The following CCNY variants were observed in gnomAD, a reference collection of about 807,000 sequenced individuals.
The protein encoded by CCNY is cyclin-Y.
A neutral mutation model predicts 42.8 loss-of-function variants in CCNY; 19 were observed. That is an observed-to-expected ratio of 0.44 (90% confidence interval 0.31 to 0.65). CCNY has a LOEUF of 0.65. CCNY is among the 30% of genes least tolerant of loss of function. The pLI, the probability that CCNY is intolerant of heterozygous loss-of-function variation, is 0.07. For synonymous variants in CCNY, 165 were observed against 162.7 expected (o/e 1.01, Z -0.11); for missense variants, 370 against 437.3 (o/e 0.85, Z 1.37).
intron 1 of CCNY, among the ~76,000 whole-genome samples, chr10:35,357,225 C>CA (rs1836577502): frequency 6.7e-6 from 1 of 149,982 alleles, no homozygotes; most frequent in Non-Finnish European, 1.5e-5. Context: ...CCATCACGCT[C>CA]AGTCACTTTA....
chr10:35,337,556 G>T (rs1836074379), intron 1 of CCNY, among the ~76,000 whole-genome samples: 2 of 152,192 alleles, frequency 1.3e-5, no homozygotes, highest in Non-Finnish European at 2.9e-5. Context: ...GGGGTTCCCG[G>T]CACTACCTGA....
intron 1 of CCNY, among the ~76,000 whole-genome samples, chr10:35,445,834 T>C (rs1205364569): frequency 2.6e-5 from 4 of 152,262 alleles, no homozygotes; most frequent in African/African-American, 9.6e-5. Context: ...AGTAGACCTG[T>C]AATCACCAGT....
At chr10:35,498,740 T>C (rs1840051666) in intron 2 of CCNY, among the ~76,000 whole-genome samples, 1 of 152,130 alleles carries the variant, frequency 6.6e-6, no homozygotes, top group African/African-American at 2.4e-5. Flanking sequence ...TAGAGATGCA[T>C]GTGTGGAAAA....
At chr10:35,253,260 T>A (rs2095713177) in intron 3 of CCNY, among the ~76,000 whole-genome samples, 1 of 151,720 alleles carries the variant, frequency 6.6e-6, no homozygotes, top group African/African-American at 2.4e-5. Flanking sequence ...CTCCACGTAA[T>A]TTTTTTTGGG....
At chr10:35,275,863 C>T (rs1314637752) in intron 3 of CCNY, among the ~76,000 whole-genome samples, 1 of 152,196 alleles carries the variant, frequency 6.6e-6, no homozygotes, top group Non-Finnish European at 1.5e-5. Flanking sequence ...GACCCATGGA[C>T]CACACGGCCC....
At chr10:35,284,380 T>C (rs1835331097) in intron 3 of CCNY, among the ~76,000 whole-genome samples, 1 of 152,154 alleles carries the variant, frequency 6.6e-6, no homozygotes, top group Admixed American at 6.5e-5. Context: ...CTTTGTGTAA[T>C]CGCTTCCTCC....
chr10:35,524,558 C>T (rs1840611411), intron 4 of CCNY, among the ~76,000 whole-genome samples: 1 of 152,174 alleles, frequency 6.6e-6, no homozygotes, highest in South Asian at 2.1e-4. Flanking sequence ...CGAGTCGGTA[C>T]CCTGAGAGGA....
At chr10:35,396,782 C>A (rs754795684) in intron 1 of CCNY, among the ~76,000 whole-genome samples, 4 of 152,172 alleles carry the variant, frequency 2.6e-5, no homozygotes, top group African/African-American at 9.7e-5. Flanking sequence ...TCCCAGTGCC[C>A]CTGCAGTCCT....
chr10:35,412,777 C>T (rs1837936657), intron 1 of CCNY, among the ~76,000 whole-genome samples: 1 of 143,864 alleles, frequency 7.0e-6, no homozygotes, highest in South Asian at 2.2e-4. Flanking sequence ...AGGAGAATTG[C>T]TCGAACCCAG....
intron 1 of CCNY, among the ~76,000 whole-genome samples, chr10:35,383,457 G>A (rs766016955): frequency 4.6e-5 from 7 of 151,964 alleles, no homozygotes; most frequent in African/African-American, 7.3e-5. Flanking sequence ...ACAGGCATCC[G>A]CCACCACGCT....
chr10:35,372,553 C>A (rs1446937485), intron 1 of CCNY, among the ~76,000 whole-genome samples: 1 of 152,154 alleles, frequency 6.6e-6, no homozygotes, highest in Non-Finnish European at 1.5e-5. Flanking sequence ...TCTGAGCACT[C>A]CCTACATTGT....
chr10:35,443,239 T>C (rs1209605264), intron 1 of CCNY, among the ~76,000 whole-genome samples: 1 of 152,228 alleles, frequency 6.6e-6, no homozygotes, highest in Non-Finnish European at 1.5e-5. Flanking sequence ...ACTAAACTGA[T>C]ACAAAATATT....
chr10:35,498,596 C>T (rs1387331007), intron 2 of CCNY, among the ~76,000 whole-genome samples: 1 of 152,150 alleles, frequency 6.6e-6, no homozygotes, highest in Non-Finnish European at 1.5e-5. Flanking sequence ...GGTAAAGTTA[C>T]CCCCCAATCC....
intron 1 of CCNY, among the ~76,000 whole-genome samples, chr10:35,369,405 G>A (rs968447283): frequency 2.0e-5 from 3 of 152,360 alleles, no homozygotes; most frequent in Middle Eastern, 3.4e-3. Flanking sequence ...GTTTAGGGAA[G>A]TTGTGGCCTT....
chr10:35,504,027 T>A (rs1840165503), intron 3 of CCNY, among the ~76,000 whole-genome samples: 2 of 152,220 alleles, frequency 1.3e-5, no homozygotes, highest in African/African-American at 4.8e-5. Context: ...TGATAGTTAT[T>A]TTTCGCCCTT....
intron 2 of CCNY, among the ~76,000 whole-genome samples, chr10:35,500,905 T>C (rs1840097674): frequency 6.6e-6 from 1 of 152,148 alleles, no homozygotes; most frequent in South Asian, 2.1e-4. Flanking sequence ...GTATCAATTA[T>C]GGTGACCTCT....
intron 1 of CCNY, among the ~76,000 whole-genome samples, chr10:35,359,946 C>A: frequency 6.6e-6 from 1 of 152,250 alleles, no homozygotes; most frequent in Non-Finnish European, 1.5e-5. Flanking sequence ...AAATTTCCTT[C>A]CTTTTTCAGG....
intron 1 of CCNY, among the ~76,000 whole-genome samples, chr10:35,371,276 C>A (rs1000289015): frequency 3.3e-5 from 5 of 152,280 alleles, no homozygotes; most frequent in Admixed American, 3.3e-4. Flanking sequence ...GCTGATACTT[C>A]TTTGTTATTT....
intron 7 of CCNY, among the ~76,000 whole-genome samples, chr10:35,550,705 T>A (rs1264599507): frequency 6.6e-6 from 1 of 152,146 alleles, no homozygotes; most frequent in Non-Finnish European, 1.5e-5. Flanking sequence ...CAAACACAGC[T>A]TTGCCTTAGA....
Sources: gnomAD v4.1 joint callset for allele counts (sites outside exome capture counted in the v4.1 genomes callset) on GRCh38, gnomAD v4.1.1 for gene constraint, MANE v1.5 for transcripts, NCBI Gene and HGNC (gene_info 2026-07-23, HGNC 2026-07-21) for gene names.